PRDM5: variants seen among roughly 807,000 people sequenced by gnomAD.
PRDM5 encodes the protein PR/SET domain 5, also known as PR domain zinc finger protein 5.
PRDM5 carries 56 observed loss-of-function variants against 81.2 expected under a neutral mutation model. The observed-to-expected ratio is 0.69, with a 90% confidence interval of 0.56 to 0.86. The LOEUF (loss-of-function observed/expected upper bound fraction) is 0.86, where lower values mean the gene tolerates loss of function less well. Ranked by LOEUF, PRDM5 falls within the 40% of genes least tolerant of loss-of-function variation. PRDM5 has a pLI of 0.00. For synonymous variants in PRDM5, 267 were observed against 256.4 expected (o/e 1.04, Z -0.39); for missense variants, 697 against 770.1 (o/e 0.91, Z 1.12).
intron 15 of PRDM5, among the ~76,000 whole-genome samples, chr4:120,701,833 A>T (rs532293365): frequency 3.9e-5 from 6 of 152,184 alleles, no homozygotes; most frequent in Non-Finnish European, 5.9e-5. Flanking sequence ...AATTGAAAAA[A>T]AAATGGGAAT....
At chr4:120,687,462 T>C (rs1031867526), downstream of PRDM5, among the ~76,000 whole-genome samples, 2 of 152,160 alleles carry the variant, frequency 1.3e-5, no homozygotes, top group African/African-American at 4.8e-5. Context: ...AAATTATTTC[T>C]TTCTTTTGTA....
intron 3 of PRDM5, among the ~76,000 whole-genome samples, chr4:120,835,328 A>C (rs1453598114): frequency 6.6e-6 from 1 of 152,198 alleles, no homozygotes; most frequent in Non-Finnish European, 1.5e-5. Flanking sequence ...TTCAAATAGG[A>C]GAAACCTAGT....
chr4:120,860,937 C>T (rs185299758), intron 2 of PRDM5, among the ~76,000 whole-genome samples: 36 of 152,242 alleles, frequency 2.4e-4, no homozygotes, highest in Admixed American at 6.5e-4. Context: ...TTTATGAAGC[C>T]TTAGCGTTGC....
chr4:120,712,218 G>A (rs190343560), intron 14 of PRDM5, among the ~76,000 whole-genome samples: 254 of 152,150 alleles, frequency 1.7e-3, no homozygotes, highest in African/African-American at 5.8e-3. Context: ...CCCAGGAGGC[G>A]GAGGTTGCAG....
At chr4:120,883,600 G>A (rs926951068) in intron 2 of PRDM5, among the ~76,000 whole-genome samples, 16 of 128,060 alleles carry the variant, frequency 1.2e-4, no homozygotes, top group Non-Finnish European at 2.1e-4. Flanking sequence ...GGGGAGGGGG[G>A]AGGGATAGCA....
intron 14 of PRDM5, among the ~76,000 whole-genome samples, chr4:120,730,045 C>T (rs891967515): frequency 2.6e-5 from 4 of 152,164 alleles, no homozygotes; most frequent in Non-Finnish European, 5.9e-5. Flanking sequence ...CAATACGGAA[C>T]ATAATACTTT....
chr4:120,887,786 CTTTTTTTTTT>C (rs773355512), intron 2 of PRDM5, among the ~76,000 whole-genome samples: 1 of 85,208 alleles, frequency 1.2e-5, no homozygotes, highest in Admixed American at 1.3e-4. Context: ...ACATTTTATC[CTTTTTTTTTT>C]TTTTTTTTTT....
chr4:120,684,391 A>G (rs1733762558), downstream of PRDM5, among the ~76,000 whole-genome samples: 1 of 151,996 alleles, frequency 6.6e-6, no homozygotes, highest in Non-Finnish European at 1.5e-5. Context: ...CCATGAACAT[A>G]CCTAATTTGA....
At chr4:120,802,596 G>C (rs190847666) in intron 8 of PRDM5, among the ~76,000 whole-genome samples, 3 of 152,196 alleles carry the variant, frequency 2.0e-5, no homozygotes, top group East Asian at 1.9e-4. Flanking sequence ...AGGCAAAGAG[G>C]GTCTGGAGTG....
intron 3 of PRDM5, among the ~76,000 whole-genome samples, chr4:120,827,031 G>T (rs1487710104): frequency 6.6e-6 from 1 of 152,120 alleles, no homozygotes; most frequent in Non-Finnish European, 1.5e-5. Context: ...TAGAATATTA[G>T]TCAATTCAGT....
At chr4:120,812,848 A>C (rs901304650) in intron 7 of PRDM5, 2 of 257,826 alleles carry the variant, frequency 7.8e-6, no homozygotes, top group East Asian at 3.0e-4. Context: ...TGATATATCC[A>C]CAAGGAATTC....
chr4:120,880,918 T>A (rs1325252217), intron 2 of PRDM5, among the ~76,000 whole-genome samples: 4 of 152,126 alleles, frequency 2.6e-5, no homozygotes, highest in Admixed American at 1.3e-4. Context: ...ATTAATGAAA[T>A]TAAGTTCAAC....
chr4:120,709,263 C>T (rs1218702289), intron 15 of PRDM5, among the ~76,000 whole-genome samples: 1 of 152,122 alleles, frequency 6.6e-6, no homozygotes, highest in Admixed American at 6.5e-5. Flanking sequence ...GAAAATCCTT[C>T]CAATAAAAGC....
At chr4:120,837,623 T>C (rs1183719800) in intron 3 of PRDM5, 1 of 152,240 alleles carries the variant, frequency 6.6e-6, no homozygotes, top group East Asian at 1.9e-4. Context: ...ATAATGAGCA[T>C]TTTAAATTTG....
At chr4:120,909,398 A>C (rs1766218015) in intron 1 of PRDM5, among the ~76,000 whole-genome samples, 1 of 152,222 alleles carries the variant, frequency 6.6e-6, no homozygotes, top group Admixed American at 6.5e-5. Context: ...CTGTGAGCTT[A>C]TGTTAAAGCC....
rs1464563330 is a variant in PRDM5 at position 120,754,537 on chromosome 4, CAG to C, written c.1623+14_1623+15del. The C allele has an allele frequency of 3.3e-6, 5 of 1,512,028 alleles. No individual in the cohort carries two copies. Among genetic ancestry groups the C allele is most frequent in the Non-Finnish European group, 4.6e-6 (5 of 1,088,158 alleles). The allele number at this position is 1,512,028 out of a possible 1,614,324, so 93.7% of individuals were successfully genotyped here. On this transcript the variant is annotated intron_variant, in intron 14 of 15. Coordinates refer to ENST00000264808, the MANE Select transcript of PRDM5 (RefSeq NM_018699.4). ...GTTTTCATGATCAATATTAATGAAA[CAG>C]AATATAATCTTACCCTGGTGTGAGT... is the stretch of plus-strand genomic sequence containing the variant.
At chr4:120,687,626 G>A (rs1733885686), downstream of PRDM5, among the ~76,000 whole-genome samples, 1 of 152,014 alleles carries the variant, frequency 6.6e-6, no homozygotes, top group Admixed American at 6.6e-5. Context: ...AATTCTTTGG[G>A]ATAATACTAC....
chr4:120,843,239 CAGG>C (rs1468222688), intron 3 of PRDM5, among the ~76,000 whole-genome samples: 3 of 152,064 alleles, frequency 2.0e-5, no homozygotes, highest in Non-Finnish European at 4.4e-5. Context: ...GAGGCTGAGG[CAGG>C]AGAATAGCTT....
In PRDM5 at chr4:120,887,856, A is replaced by G. The variant is rs532211574; in HGVS notation, c.177+19618T>C. ...CGCCCAGGCTGGAGTGCAGTGGCGC[A>G]ATCTCGGCTCACTGCAAGCTCCGCC... On this transcript the variant is annotated intron_variant, in intron 2 of 15. Transcript: ENST00000264808. Among the ~76,000 whole-genome samples, 75 of 103,682 alleles carry G rather than the reference A, an allele frequency of 7.2e-4. 14 individuals are homozygous for G. Among genetic ancestry groups the G allele is most frequent in the African/African-American group, 1.7e-3 (30 of 18,080 alleles). The allele number at this position is 103,682 out of a possible 152,430, so 68.0% of individuals were successfully genotyped here.
Sources: allele counts gnomAD v4.1 joint callset (sites outside exome capture counted in the v4.1 genomes callset), GRCh38; gene constraint gnomAD v4.1.1; transcripts MANE v1.5; gene names NCBI Gene and HGNC (gene_info 2026-07-23, HGNC 2026-07-21).